The following MTBP variants were observed in gnomAD, a reference collection of about 807,000 sequenced individuals.
The protein encoded by MTBP is MDM2 binding protein.
In MTBP, 101 loss-of-function variants were observed where a neutral mutation model predicts 117.0. The ratio of observed to expected loss-of-function variants is 0.86; its 90% CI spans 0.73 to 1.02. The LOEUF is 1.02. Among genes scored for constraint, MTBP ranks in the 50% least tolerant of loss-of-function variants. MTBP has a pLI of 0.00. For missense variants in MTBP, 970 were observed against 1,030.9 expected, an observed-to-expected ratio of 0.94 and a Z score of 0.81; for synonymous variants, 350 against 351.5, an observed-to-expected ratio of 1.00 and a Z score of 0.05.
At chr8:120,499,803 C>G (rs1276072654) in intron 14 of MTBP, among the ~76,000 whole-genome samples, 1 of 152,138 alleles carries the variant, frequency 6.6e-6, no homozygotes, top group African/African-American at 2.4e-5. Flanking sequence ...AAGACTTTGA[C>G]AAAGTCAAAT....
At chr8:120,484,987 G>A (rs1357252364) in intron 11 of MTBP, among the ~76,000 whole-genome samples, 3 of 152,128 alleles carry the variant, frequency 2.0e-5, no homozygotes, top group African/African-American at 7.2e-5. Context: ...TGTAGCATAT[G>A]CCAGGACATC....
rs571251114 is a variant in MTBP at position 120,469,978 on chromosome 8, T to C, written c.1048-842T>C. ...TCCATCAATATAGGACAGTTAAAAG[T>C]GGTTTTGCACTAGCTTTAAGATCTT... On this transcript the variant is annotated intron_variant, in intron 10 of 21. Transcript: ENST00000305949. Among the ~76,000 whole-genome samples the C allele has an allele frequency of 2.1e-4, 32 of 152,318 alleles. 2 individuals carry two copies. Among genetic ancestry groups the C allele is most frequent in the African/African-American group, 7.7e-4 (32 of 41,584 alleles).
chr8:120,474,991 AC>A, intron 11 of MTBP, among the ~76,000 whole-genome samples: 1 of 152,216 alleles, frequency 6.6e-6, no homozygotes. Context: ...TGCTTTTTCA[AC>A]AGATATTTTT....
intron 19 of MTBP, 78 bp from the exon 20 acceptor site, chr8:120,518,626 G>C (rs933281110): frequency 8.9e-6 from 8 of 901,852 alleles, no homozygotes; most frequent in Non-Finnish European, 1.4e-5. Context: ...GTAATTCACA[G>C]GATTGAACTC....
intron 2 of MTBP, among the ~76,000 whole-genome samples, chr8:120,450,242 T>G (rs1168785533): frequency 6.6e-6 from 1 of 152,070 alleles, no homozygotes; most frequent in Non-Finnish European, 1.5e-5. Context: ...GAGGAAAGAT[T>G]AATGGCAATA....
At chr8:120,522,264 C>G (rs369811356) in intron 20 of MTBP, among the ~76,000 whole-genome samples, 2 of 7,476 alleles carry the variant, frequency 2.7e-4, no homozygotes. Context: ...GAGAGTAATG[C>G]AGCATTAGTG....
At chr8:120,472,086 C>G (rs1476462206) in intron 11 of MTBP, 1 of 151,940 alleles carries the variant, frequency 6.6e-6, no homozygotes, top group African/African-American at 2.4e-5. Context: ...TTTTGTGACC[C>G]ATAATGTGAT....
chr8:120,469,463 T>C (rs968945643), intron 10 of MTBP, among the ~76,000 whole-genome samples: 1 of 152,184 alleles, frequency 6.6e-6, no homozygotes. Context: ...TGCTCTCAAT[T>C]GGTTTTTGTC....
At chr8:120,484,547 G>T (rs1814169370) in intron 11 of MTBP, among the ~76,000 whole-genome samples, 1 of 151,898 alleles carries the variant, frequency 6.6e-6, no homozygotes, top group Non-Finnish European at 1.5e-5. Flanking sequence ...TCTTTTATTT[G>T]CTGTGTGGTT....
chr8:120,460,614 A>T (rs1474231865), intron 8 of MTBP, among the ~76,000 whole-genome samples: 1 of 151,908 alleles, frequency 6.6e-6, no homozygotes, highest in Non-Finnish European at 1.5e-5. Flanking sequence ...CCGAAATTTT[A>T]TTTTTTCTGA....
intron 17 of MTBP, among the ~76,000 whole-genome samples, chr8:120,513,598 A>G (rs1302451764): frequency 6.6e-6 from 1 of 152,048 alleles, no homozygotes; most frequent in African/African-American, 2.4e-5. Context: ...TGAAGCTATG[A>G]CACTATGAAC....
chr8:120,452,348 G>C (rs1813374560), intron 4 of MTBP: 1 of 152,110 alleles, frequency 6.6e-6, no homozygotes, highest in Non-Finnish European at 1.5e-5. Context: ...TTCCAAACCA[G>C]AGAAATATCA....
At chr8:120,514,639 C>T (rs1814884174) in intron 17 of MTBP, among the ~76,000 whole-genome samples, 1 of 152,008 alleles carries the variant, frequency 6.6e-6, no homozygotes, top group East Asian at 1.9e-4. Context: ...AAGTCACCAA[C>T]CTGGGTTTAC....
Position 120,464,416 on chromosome 8 carries a change from G to A in MTBP, c.1047+655G>A, listed in dbSNP as rs533895392. ...TTATTTATTCAACTGTTATGTTTCT[G>A]TGAAAACAATTTTTAATGCACAAAA... is the stretch of plus-strand genomic sequence containing the variant. On this transcript the variant is annotated intron_variant, in intron 10 of 21. Coordinates refer to ENST00000305949, the MANE Select transcript of MTBP (RefSeq NM_022045.5). Among the ~76,000 whole-genome samples, 10 of 151,322 alleles carry A rather than the reference G, an allele frequency of 6.6e-5. No homozygotes were observed. The South Asian group carries it at 1.7e-3, about 25-fold the overall frequency.
At chr8:120,492,893 G>T (rs1317228439) in intron 13 of MTBP, among the ~76,000 whole-genome samples, 1 of 152,006 alleles carries the variant, frequency 6.6e-6, no homozygotes, top group African/African-American at 2.4e-5. Context: ...GGTAATTTAT[G>T]ACTTTTTGTA....
chr8:120,517,307 A>G (rs538403005), intron 18 of MTBP, among the ~76,000 whole-genome samples: 11 of 152,044 alleles, frequency 7.2e-5, no homozygotes, highest in African/African-American at 1.2e-4. Context: ...TGTTCAAATT[A>G]TCTTAACAGA....
intron 10 of MTBP, among the ~76,000 whole-genome samples, chr8:120,467,173 G>A (rs538395504): frequency 2.6e-5 from 4 of 152,330 alleles, no homozygotes; most frequent in African/African-American, 9.6e-5. Context: ...ATTAGGAAAA[G>A]ACAAGATAGG....
intron 15 of MTBP, among the ~76,000 whole-genome samples, chr8:120,506,420 G>A (rs1814686328): frequency 6.6e-6 from 1 of 152,110 alleles, no homozygotes; most frequent in African/African-American, 2.4e-5. Flanking sequence ...AATAGATAAT[G>A]TAATTATGTT....
At chr8:120,502,674 G>T in intron 15 of MTBP, 65 bp downstream of exon 15, 1 of 964,254 alleles carries the variant, frequency 1.0e-6, no homozygotes, top group East Asian at 2.5e-5. Flanking sequence ...TTTTAAAATA[G>T]TTAAATTATG....
Sources: allele counts gnomAD v4.1 joint callset (sites outside exome capture counted in the v4.1 genomes callset), GRCh38; gene constraint gnomAD v4.1.1; transcripts MANE v1.5; gene names NCBI Gene and HGNC (gene_info 2026-07-23, HGNC 2026-07-21).